The following ADGRD1 variants were observed in gnomAD, a reference collection of about 807,000 sequenced individuals.
ADGRD1 encodes the protein adhesion G protein-coupled receptor D1, also known as G-protein coupled receptor 133.
A neutral mutation model predicts 113.4 loss-of-function variants in ADGRD1; 77 were observed. The ratio of observed to expected loss-of-function variants is 0.68; its 90% CI spans 0.57 to 0.82. The LOEUF (loss-of-function observed/expected upper bound fraction) is 0.82. Ranked by LOEUF, ADGRD1 falls within the 40% of genes least tolerant of loss-of-function variation. The pLI is 0.00. For missense variants in ADGRD1, 1,036 were observed against 1,139.1 expected, an observed-to-expected ratio of 0.91 and a Z score of 1.30; for synonymous variants, 474 against 475.0, an observed-to-expected ratio of 1.00 and a Z score of 0.03.
intron 14 of ADGRD1, among the ~76,000 whole-genome samples, chr12:131,079,691 A>G (rs1416796388): frequency 1.3e-5 from 2 of 152,178 alleles, no homozygotes. Flanking sequence ...TTCTTTTTAA[A>G]TAAGTTCAAG....
chr12:131,028,656 G>A (rs1880258318), intron 13 of ADGRD1, among the ~76,000 whole-genome samples: 2 of 152,168 alleles, frequency 1.3e-5, no homozygotes, highest in Admixed American at 6.5e-5. Context: ...GTCCCCAGAC[G>A]GATATGTAAT....
intron 15 of ADGRD1, among the ~76,000 whole-genome samples, chr12:131,100,920 T>G (rs1593215307): frequency 6.6e-6 from 1 of 152,354 alleles, no homozygotes; most frequent in East Asian, 1.9e-4. Flanking sequence ...ATCTGTCTGT[T>G]GAATCAGTGG....
At chr12:131,136,939 C>G in intron 22 of ADGRD1, 34 bp from the exon 23 acceptor site, 4 of 1,565,566 alleles carry the variant, frequency 2.6e-6, no homozygotes, top group Non-Finnish European at 3.5e-6. Flanking sequence ...GTGCAAAGGG[C>G]TCTAATCTCT....
intron 13 of ADGRD1, among the ~76,000 whole-genome samples, chr12:131,021,154 C>T (rs1012378940): frequency 4.6e-5 from 7 of 152,184 alleles, no homozygotes; most frequent in Admixed American, 1.3e-4. Context: ...ATCATTCATC[C>T]GTCTTCCCTG....
chr12:131,019,424 G>T (rs1879041262), intron 13 of ADGRD1, among the ~76,000 whole-genome samples: 1 of 152,234 alleles, frequency 6.6e-6, no homozygotes, highest in African/African-American at 2.4e-5. Context: ...GTCAGAATCT[G>T]CAGTGTTCTC....
chr12:131,104,616 C>G, intron 15 of ADGRD1, among the ~76,000 whole-genome samples: 1 of 152,162 alleles, frequency 6.6e-6, no homozygotes, highest in East Asian at 1.9e-4. Context: ...TAGGGCACCT[C>G]GGGGCACCGG....
intron 13 of ADGRD1, among the ~76,000 whole-genome samples, chr12:131,034,561 CAG>C (rs1260395352): frequency 7.9e-5 from 12 of 152,136 alleles, no homozygotes; most frequent in Non-Finnish European, 1.8e-4. Context: ...GAGAGAGGGA[CAG>C]AGAGAGAGAA....
At chr12:131,092,820 A>T (rs1177688884) in intron 15 of ADGRD1, among the ~76,000 whole-genome samples, 6 of 152,068 alleles carry the variant, frequency 3.9e-5, no homozygotes, top group African/African-American at 1.4e-4. Context: ...AGAGGCTTAA[A>T]TTTTTAAAAA....
At position 131,138,039 on chromosome 12, in the gene ADGRD1, C is replaced by T. The variant is rs544321356; in HGVS notation, c.2437-98C>T. 1.3e-4 allele frequency: 118 copies of T among 935,334 alleles called. 1 individual carries two copies. The highest frequency in any genetic ancestry group is 1.0e-3 in the African/African-American group (65 of 62,260). The allele number at this position is 935,334 out of a possible 1,614,324, so 57.9% of individuals were successfully genotyped here. A position where few individuals can be genotyped will look rare whatever the true frequency, so the allele number is the denominator to read the frequency against. On this transcript the variant is annotated intron_variant, in intron 23 of 24. Coordinates refer to ENST00000261654, the MANE Select transcript of ADGRD1 (RefSeq NM_198827.5). ...CATATTTCCAAATCCCAACCTCCCTCGCACATCTGGTTCCGGAGTTGCACC... is the reference window on the plus strand; with the variant it reads ...CATATTTCCAAATCCCAACCTCCCTTGCACATCTGGTTCCGGAGTTGCACC...
At chr12:130,972,765 C>T (rs1871833376) in intron 4 of ADGRD1, among the ~76,000 whole-genome samples, 1 of 152,088 alleles carries the variant, frequency 6.6e-6, no homozygotes, top group African/African-American at 2.4e-5. Context: ...TAGAGAACGG[C>T]TTCTCTTTGG....
intron 20 of ADGRD1, among the ~76,000 whole-genome samples, chr12:131,124,088 T>A (rs1347885387): frequency 1.3e-5 from 2 of 152,114 alleles, no homozygotes; most frequent in Non-Finnish European, 2.9e-5. Context: ...GCCGTGGAGG[T>A]TCCAGCCTAC....
chr12:131,094,541 C>T (rs1887146106), intron 15 of ADGRD1, among the ~76,000 whole-genome samples: 1 of 151,884 alleles, frequency 6.6e-6, no homozygotes, highest in Non-Finnish European at 1.5e-5. Context: ...GAGGGTCCTG[C>T]CTTGCCCAGG....
chr12:131,035,979 A>G (rs1402035225), intron 13 of ADGRD1, among the ~76,000 whole-genome samples: 2 of 152,206 alleles, frequency 1.3e-5, no homozygotes, highest in East Asian at 3.8e-4. Flanking sequence ...TACCACTACT[A>G]AGGTTCTCCT....
chr12:130,974,772 G>T (rs182772893), intron 4 of ADGRD1, among the ~76,000 whole-genome samples: 71 of 152,102 alleles, frequency 4.7e-4, no homozygotes, highest in African/African-American at 1.4e-3. Flanking sequence ...GTCCCCCGAG[G>T]GTGCCCATAG....
intron 13 of ADGRD1, among the ~76,000 whole-genome samples, chr12:131,047,296 G>T (rs1035823138): frequency 6.6e-6 from 1 of 152,224 alleles, no homozygotes; most frequent in African/African-American, 2.4e-5. Flanking sequence ...CTGGAGGAGG[G>T]GAGTCAGGTG....
intron 18 of ADGRD1, among the ~76,000 whole-genome samples, chr12:131,111,654 T>TA (rs1950349911): frequency 6.6e-6 from 1 of 152,102 alleles, no homozygotes; most frequent in Non-Finnish European, 1.5e-5. Context: ...TAATCTTTCT[T>TA]TATCTCTCTT....
At chr12:131,135,841 G>C (rs1351998839) in intron 21 of ADGRD1, among the ~76,000 whole-genome samples, 196 bp from the exon 22 acceptor site, 4 of 152,208 alleles carry the variant, frequency 2.6e-5, no homozygotes, top group Non-Finnish European at 4.4e-5. Context: ...AGCTGTAAGG[G>C]GATGGAGGTG....
chr12:131,131,486 A>G (rs1950927131), intron 20 of ADGRD1, among the ~76,000 whole-genome samples: 1 of 152,172 alleles, frequency 6.6e-6, no homozygotes, highest in Admixed American at 6.5e-5. Context: ...TGTTCCTGGG[A>G]CTAGAACTCG....
In ADGRD1 at chr12:131,140,976, A is replaced by T. The variant is rs956831031; in HGVS notation, c.*1713A>T. On this transcript the variant is annotated 3_prime_UTR_variant, in exon 25 of 25. Coordinates refer to ENST00000261654, the MANE Select transcript of ADGRD1 (RefSeq NM_198827.5). ...AAGAGTCCCATGTTTAGTATGGACT[A>T]AAGTCCCATGTTTAGCCACTGCCCC... 2.0e-5 allele frequency: 3 copies of T among 152,252 alleles called. No homozygotes were observed. The highest frequency in any genetic ancestry group is 7.2e-5 in the African/African-American group (3 of 41,464). 9.4% of individuals were successfully genotyped at this position (152,252 alleles called of 1,614,324 possible). A position where few individuals can be genotyped will look rare whatever the true frequency, so the allele number is the denominator to read the frequency against.
Sources: allele counts gnomAD v4.1 joint callset (sites outside exome capture counted in the v4.1 genomes callset), GRCh38; gene constraint gnomAD v4.1.1; transcripts MANE v1.5; gene names NCBI Gene and HGNC (gene_info 2026-07-23, HGNC 2026-07-21).